Variants in B3GAT2 observed in about 807,000 individuals in gnomAD.
The protein encoded by B3GAT2 is beta-1,3-glucuronyltransferase 2.
In B3GAT2, 26 loss-of-function variants were observed where a neutral mutation model predicts 27.8. The ratio of observed to expected loss-of-function variants is 0.93; its 90% CI spans 0.68 to 1.30. B3GAT2 has a LOEUF of 1.30. Among genes scored for constraint, B3GAT2 ranks in the 50% most tolerant of loss-of-function variants. B3GAT2 has a pLI of 0.00. For missense variants in B3GAT2, 458 were observed against 459.0 expected (o/e 1.00, Z 0.02); for synonymous variants, 218 against 195.1 (o/e 1.12, Z -0.98).
At chr6:70,891,573 G>A (rs1025384729) in intron 2 of B3GAT2, among the ~76,000 whole-genome samples, 12 of 152,180 alleles carry the variant, frequency 7.9e-5, no homozygotes, top group African/African-American at 2.4e-4. Context: ...TGACCTCACA[G>A]AGATACAAAC....
intron 1 of B3GAT2, among the ~76,000 whole-genome samples, chr6:70,925,061 G>A (rs1772930746): frequency 6.6e-6 from 1 of 152,204 alleles, no homozygotes; most frequent in Non-Finnish European, 1.5e-5. Flanking sequence ...AGTGGACTCA[G>A]CATAAGGATC....
chr6:70,880,767 A>G (rs1772088482), intron 2 of B3GAT2, among the ~76,000 whole-genome samples: 1 of 151,876 alleles, frequency 6.6e-6, no homozygotes, highest in Admixed American at 6.6e-5. Context: ...CCGGGTTCAA[A>G]CAATCCTCCT....
intron 2 of B3GAT2, among the ~76,000 whole-genome samples, chr6:70,865,543 C>T (rs550704272): frequency 4.6e-5 from 7 of 152,140 alleles, no homozygotes; most frequent in Non-Finnish European, 7.3e-5. Context: ...TATATGTAAA[C>T]ACTATATCAG....
At chr6:70,875,004 TA>T (rs879737909) in intron 2 of B3GAT2, among the ~76,000 whole-genome samples, 84 of 144,008 alleles carry the variant, frequency 5.8e-4, no homozygotes, top group African/African-American at 8.5e-4. Flanking sequence ...TAGCCTTTTT[TA>T]AAAAAAAAAA....
chr6:70,861,692 G>C lies in B3GAT2; in HGVS notation c.943C>G (p.His315Asp), dbSNP rs560152490. The C allele has an allele frequency of 1.2e-6, 2 of 1,613,934 alleles. No homozygotes were observed. Among genetic ancestry groups the C allele is most frequent in the Non-Finnish European group, 1.7e-6 (2 of 1,179,976 alleles). The change falls in exon 4 of 4, where the codon CAC becomes GAC. Residue 315 changes from histidine (H) to aspartate (D), a missense_variant. Transcript: ENST00000230053. ...ACCTCAATTTTCACTGTGTCCAGGT[G>C]GTACTTTGGCTCGTTGGCTAGATTA... ...KVNLANEPKY[H>D]LDTVKIEV
Sources: allele counts gnomAD v4.1 joint callset (sites outside exome capture counted in the v4.1 genomes callset), GRCh38; gene constraint gnomAD v4.1.1; transcripts MANE v1.5; gene names NCBI Gene and HGNC (gene_info 2026-07-23, HGNC 2026-07-21).